SNTG1: variants seen among roughly 807,000 people sequenced by gnomAD.
The protein encoded by SNTG1 is gamma-1-syntrophin.
A neutral mutation model predicts 74.7 loss-of-function variants in SNTG1; 39 were observed. That is an observed-to-expected ratio of 0.52 (90% confidence interval 0.40 to 0.68). SNTG1 has a LOEUF of 0.68. Ranked by LOEUF, SNTG1 falls within the 30% of genes least tolerant of loss-of-function variation. The pLI, the probability that SNTG1 is intolerant of heterozygous loss-of-function variation, is 0.00. For missense variants in SNTG1, 685 were observed against 609.5 expected, an observed-to-expected ratio of 1.12 and a Z score of -1.30; for synonymous variants, 254 against 217.1, an observed-to-expected ratio of 1.17 and a Z score of -1.49.
chr8:50,607,818 C>G (rs144329115), intron 13 of SNTG1, among the ~76,000 whole-genome samples: 202 of 151,560 alleles, frequency 1.3e-3, no homozygotes, highest in African/African-American at 4.4e-3. Flanking sequence ...AGTTTTACAT[C>G]TTTCAGCCTA....
chr8:50,783,797 G>A (rs970054811), intron 18 of SNTG1, among the ~76,000 whole-genome samples: 20 of 152,310 alleles, frequency 1.3e-4, no homozygotes, highest in African/African-American at 1.9e-4. Flanking sequence ...CGTCGCTCAC[G>A]CTGGGAGCTG....
chr8:50,314,712 C>A (rs2090248868), intron 2 of SNTG1, among the ~76,000 whole-genome samples: 1 of 150,124 alleles, frequency 6.7e-6, no homozygotes, highest in Non-Finnish European at 1.5e-5. Flanking sequence ...TATATCACCC[C>A]TTCCTTTACC....
intron 17 of SNTG1, chr8:50,747,657 TA>T (rs1234334976): frequency 2.0e-5 from 3 of 152,038 alleles, no homozygotes; most frequent in African/African-American, 7.2e-5. Context: ...CTTGTTTTAG[TA>T]TTAATCTGTT....
chr8:50,463,537 A>G (rs879241302), intron 8 of SNTG1, among the ~76,000 whole-genome samples: 1 of 152,182 alleles, frequency 6.6e-6, no homozygotes. Flanking sequence ...ATTGTCAGTG[A>G]GCAGTAACCT....
chr8:50,000,586 C>T (rs1029489380), intron 1 of SNTG1, among the ~76,000 whole-genome samples: 16 of 152,146 alleles, frequency 1.1e-4, no homozygotes, highest in African/African-American at 3.6e-4. Context: ...GAAAAGCTTG[C>T]CTGTAGTGCA....
chr8:50,685,365 T>A (rs1357962239), intron 15 of SNTG1, among the ~76,000 whole-genome samples: 1 of 152,186 alleles, frequency 6.6e-6, no homozygotes, highest in Admixed American at 6.5e-5. Flanking sequence ...TTATCCATTA[T>A]CTACCTTATA....
chr8:50,048,490 T>C (rs1295498169), intron 1 of SNTG1, among the ~76,000 whole-genome samples: 1 of 152,180 alleles, frequency 6.6e-6, no homozygotes. Context: ...TATCTCTTTG[T>C]TTTCTTTCCA....
intron 1 of SNTG1, among the ~76,000 whole-genome samples, chr8:50,114,198 A>C (rs1048316229): frequency 1.2e-4 from 18 of 152,154 alleles, no homozygotes; most frequent in African/African-American, 4.3e-4. Flanking sequence ...AGGTGCAACT[A>C]AAAAGCAGTT....
rs939872470 is a variant in SNTG1, at chr8:50,564,821, G to A, written c.810+11642G>A. 6.6e-5 allele frequency among the ~76,000 whole-genome samples: 10 copies of A among 152,112 alleles called. No individual in the cohort carries two copies. The East Asian group carries it at 1.9e-3, about 29-fold the overall frequency. ...GGACTTCAAATGCAATATTGTGGAT[G>A]TTACAATCTCCAATAAAAATATGCT... On this transcript the variant is annotated intron_variant, in intron 12 of 18. Transcript: ENST00000642720.
At chr8:50,583,394 C>CAAAAA (rs58794829) in intron 12 of SNTG1, among the ~76,000 whole-genome samples, 32 of 82,310 alleles carry the variant, frequency 3.9e-4, no homozygotes, top group African/African-American at 6.0e-4. Flanking sequence ...GAGTGAGACT[C>CAAAAA]AAAAAAAAAA....
chr8:50,656,574 T>C (rs2095182771), intron 13 of SNTG1, among the ~76,000 whole-genome samples: 1 of 152,182 alleles, frequency 6.6e-6, no homozygotes, highest in Non-Finnish European at 1.5e-5. Flanking sequence ...ACAAGTGCGA[T>C]GCATCAATGA....
At chr8:50,644,000 G>A (rs763680259) in intron 13 of SNTG1, 1 of 152,254 alleles carries the variant, frequency 6.6e-6, no homozygotes, top group East Asian at 1.9e-4. Flanking sequence ...ATCTTTGAAA[G>A]TAAATGAGTC....
At chr8:50,014,007 C>T (rs560765420) in intron 1 of SNTG1, among the ~76,000 whole-genome samples, 19 of 152,092 alleles carry the variant, frequency 1.2e-4, no homozygotes, top group Non-Finnish European at 2.1e-4. Flanking sequence ...AGAAAAATAA[C>T]CAAAGCCACA....
intron 18 of SNTG1, among the ~76,000 whole-genome samples, chr8:50,761,358 G>A (rs940071218): frequency 6.6e-6 from 1 of 151,948 alleles, no homozygotes; most frequent in Admixed American, 6.6e-5. Context: ...TGGGGGAGGG[G>A]AGTGTTCTAC....
At chr8:50,341,076 G>A (rs779877041) in intron 2 of SNTG1, among the ~76,000 whole-genome samples, 7 of 151,884 alleles carry the variant, frequency 4.6e-5, no homozygotes, top group Non-Finnish European at 7.4e-5. Flanking sequence ...TGCTTTTGTT[G>A]TTGTTTGGTT....
At chr8:50,776,045 T>C (rs2095639896) in intron 18 of SNTG1, among the ~76,000 whole-genome samples, 1 of 151,582 alleles carries the variant, frequency 6.6e-6, no homozygotes, top group Admixed American at 6.6e-5. Flanking sequence ...TTTAATCTAT[T>C]CTGCCAATCT....
At chr8:50,099,122 A>T (rs532741437) in intron 1 of SNTG1, among the ~76,000 whole-genome samples, 2 of 152,166 alleles carry the variant, frequency 1.3e-5, no homozygotes, top group Non-Finnish European at 2.9e-5. Context: ...GTAAAATTTC[A>T]GACTCTGTGT....
At chr8:50,670,642 C>T (rs2095276286) in intron 15 of SNTG1, among the ~76,000 whole-genome samples, 1 of 140,636 alleles carries the variant, frequency 7.1e-6, no homozygotes, top group East Asian at 2.1e-4. Flanking sequence ...GATTCAATGC[C>T]ATCCCAATCA....
intron 8 of SNTG1, 91 bp downstream of exon 8, chr8:50,450,820 C>T (rs2093449812): frequency 8.0e-7 from 1 of 1,249,804 alleles, no homozygotes; most frequent in Non-Finnish European, 1.1e-6. Flanking sequence ...ATTCATTAGG[C>T]AGATATGACA....
Sources: gnomAD v4.1 joint callset for allele counts (sites outside exome capture counted in the v4.1 genomes callset) on GRCh38, gnomAD v4.1.1 for gene constraint, MANE v1.5 for transcripts, NCBI Gene and HGNC (gene_info 2026-07-23, HGNC 2026-07-21) for gene names.